Variants in CCDC178 observed in about 807,000 individuals in gnomAD.
The protein encoded by CCDC178 is coiled-coil domain containing 178, also known as coiled-coil domain-containing protein 178.
In CCDC178, 126 loss-of-function variants were observed where a neutral mutation model predicts 117.4. The observed-to-expected ratio is 1.07, with a 90% CI of 0.93 to 1.24. The LOEUF is 1.24. CCDC178 is among the 50% of genes most tolerant of loss of function. The probability of loss-of-function intolerance (pLI) is 0.00; values close to 1 mark genes in which losing one functional copy is unlikely to be tolerated. For synonymous variants in CCDC178, 283 were observed against 313.4 expected (o/e 0.90, Z 1.02); for missense variants, 1,030 against 986.9 (o/e 1.04, Z -0.59).
At chr18:33,112,115 A>T (rs1295889881) in intron 20 of CCDC178, among the ~76,000 whole-genome samples, 1 of 151,804 alleles carries the variant, frequency 6.6e-6, no homozygotes, top group Non-Finnish European at 1.5e-5. Context: ...GATATTATAA[A>T]TAAAAATTTA....
At position 33,323,599 on chromosome 18, in the gene CCDC178, A is replaced by G; in HGVS notation, c.914T>C (p.Leu305Pro). 5.2e-6 allele frequency: 8 copies of G among 1,553,376 alleles called. No homozygotes were observed. Among genetic ancestry groups the G allele is most frequent in the Non-Finnish European group, 7.0e-6 (8 of 1,150,476 alleles). Reference sequence around the variant, plus strand: ...TTCACAGGCTTCTAAAGCTTCTTCAAGTTCTTCATTAACTTTTCTGTGTAG... The same window carrying G: ...TTCACAGGCTTCTAAAGCTTCTTCAGGTTCTTCATTAACTTTTCTGTGTAG... ...MDLHRKVNEE[L>P]EEALEACENA... The change falls in exon 11 of 23, where the codon CTT (leucine) becomes CCT (proline). Residue 305 changes from leucine to proline, a missense_variant. Physicochemically the swap from Leu to Pro is moderately conservative, Grantham distance 98. Coordinates refer to ENST00000383096, the MANE Select transcript of CCDC178 (RefSeq NM_001105528.4).
chr18:33,291,032 T>C (rs894630459), intron 12 of CCDC178, among the ~76,000 whole-genome samples: 2 of 152,204 alleles, frequency 1.3e-5, no homozygotes, highest in South Asian at 2.1e-4. Flanking sequence ...AATTTGTAAA[T>C]AGAAGGCAGA....
At chr18:33,056,671 T>C (rs2056835674) in intron 21 of CCDC178, among the ~76,000 whole-genome samples, 1 of 152,122 alleles carries the variant, frequency 6.6e-6, no homozygotes, top group Non-Finnish European at 1.5e-5. Context: ...AGTTGGAAAA[T>C]GTAATTCATC....
At chr18:33,156,774 C>A (rs1204409743) in intron 20 of CCDC178, among the ~76,000 whole-genome samples, 6 of 152,056 alleles carry the variant, frequency 3.9e-5, no homozygotes, top group African/African-American at 1.4e-4. Flanking sequence ...AAGATTTCCA[C>A]TACGAGAGTT....
chr18:33,235,988 A>G (rs921051952), intron 15 of CCDC178, among the ~76,000 whole-genome samples: 11 of 152,220 alleles, frequency 7.2e-5, no homozygotes, highest in African/African-American at 2.7e-4. Flanking sequence ...TAGCTAAAAA[A>G]TTAGAGAAAG....
chr18:33,169,726 T>G (rs1365463137), intron 20 of CCDC178, among the ~76,000 whole-genome samples: 1 of 152,158 alleles, frequency 6.6e-6, no homozygotes, highest in Non-Finnish European at 1.5e-5. Flanking sequence ...GATTTTAAGC[T>G]TTAGAATAGT....
At chr18:33,200,198 T>G (rs150173599) in intron 20 of CCDC178, among the ~76,000 whole-genome samples, 2 of 152,216 alleles carry the variant, frequency 1.3e-5, no homozygotes, top group Non-Finnish European at 2.9e-5. Flanking sequence ...ATGGAATGCA[T>G]AGAAAAAGAA....
At chr18:33,418,267 G>T (rs2063973804) in intron 2 of CCDC178, among the ~76,000 whole-genome samples, 2 of 152,184 alleles carry the variant, frequency 1.3e-5, no homozygotes, top group South Asian at 4.1e-4. Context: ...TGCAGAAAAG[G>T]CTTTTGATAA....
intron 11 of CCDC178, among the ~76,000 whole-genome samples, chr18:33,317,859 A>C (rs1331166375): frequency 6.6e-6 from 1 of 152,176 alleles, no homozygotes; most frequent in Non-Finnish European, 1.5e-5. Flanking sequence ...TAACCAGACC[A>C]GCTGAGACAG....
chr18:33,033,151 C>A (rs977365912), intron 21 of CCDC178, among the ~76,000 whole-genome samples: 3 of 151,752 alleles, frequency 2.0e-5, no homozygotes, highest in Non-Finnish European at 1.5e-5. Context: ...ATTATGATTA[C>A]AAATAAAAGA....
At chr18:33,311,006 C>T (rs1218638364) in intron 11 of CCDC178, among the ~76,000 whole-genome samples, 1 of 152,084 alleles carries the variant, frequency 6.6e-6, no homozygotes, top group Non-Finnish European at 1.5e-5. Context: ...TGTATGTTCT[C>T]TTCACAACTT....
intron 8 of CCDC178, 39 bp downstream of exon 8, chr18:33,348,851 A>T: frequency 7.9e-7 from 1 of 1,263,228 alleles, no homozygotes; most frequent in Non-Finnish European, 1.2e-6. Flanking sequence ...ATGAACTTTT[A>T]AATATATACA....
intron 14 of CCDC178, among the ~76,000 whole-genome samples, chr18:33,250,570 ACAATT>A (rs1354228189): frequency 1.3e-5 from 2 of 151,748 alleles, no homozygotes; most frequent in African/African-American, 4.8e-5. Context: ...ATAAAAGAAA[ACAATT>A]CAACAAGAAA....
At chr18:33,264,203 T>G (rs1039702340) in intron 14 of CCDC178, among the ~76,000 whole-genome samples, 2 of 152,130 alleles carry the variant, frequency 1.3e-5, no homozygotes, top group African/African-American at 4.8e-5. Context: ...ACATATAGAC[T>G]TGCCAGTTTA....
intron 21 of CCDC178, among the ~76,000 whole-genome samples, chr18:33,020,681 T>C (rs1317059363): frequency 6.6e-6 from 1 of 152,194 alleles, no homozygotes; most frequent in Non-Finnish European, 1.5e-5. Flanking sequence ...CGTACTGAGT[T>C]TCTCCATGGT....
Position 33,224,786 on chromosome 18 carries a change from C to T in CCDC178, c.1807G>A (p.Glu603Lys). ...AATTAAATGCTTACAACAGAATGTT[C>T]TTTGTCGAGACTTCTGATTCTTTCA... ...EAERIRSLDK[E>K]HSVMLNNIID... The change falls in exon 17 of 23, where the codon GAA (glutamate) becomes AAA (lysine). Residue 603 changes from glutamate (E) to lysine (K), a missense_variant. By Grantham distance (56) the Glu-to-Lys change is moderately conservative. Coordinates refer to ENST00000383096, the MANE Select transcript of CCDC178 (RefSeq NM_001105528.4). 6.5e-7 allele frequency: 1 copy of T among 1,530,226 alleles called. No homozygotes were observed. The highest frequency in any genetic ancestry group is 1.4e-5 in the African/African-American group (1 of 71,176). The allele number at this position is 1,530,226 out of a possible 1,614,324, so 94.8% of individuals were successfully genotyped here.
At chr18:33,220,125 C>T (rs768705557) in intron 18 of CCDC178, among the ~76,000 whole-genome samples, 1 of 151,940 alleles carries the variant, frequency 6.6e-6, no homozygotes, top group Non-Finnish European at 1.5e-5. Context: ...CAGGTAGGAA[C>T]AAATGTTTTG....
Position 33,113,126 on chromosome 18 carries a change from T to C in CCDC178, c.2239-20216A>G, listed in dbSNP as rs190827366. 2.6e-5 allele frequency among the ~76,000 whole-genome samples: 4 copies of C among 152,090 alleles called. No homozygotes were observed. In the East Asian group the frequency reaches 7.8e-4, roughly 30 times the overall value. On this transcript the variant is annotated intron_variant, in intron 20 of 22. Transcript: ENST00000383096. ...CTATCCAATGACAAAAGAAAACACA[T>C]GCTCAATTAAGATTAAAAGTCTGCT...
chr18:33,369,222 G>T (rs1444787401), intron 6 of CCDC178, among the ~76,000 whole-genome samples: 11 of 151,886 alleles, frequency 7.2e-5, no homozygotes, highest in Non-Finnish European at 4.4e-5. Flanking sequence ...CATATCATTT[G>T]CTGGTACTTG....
Sources: gnomAD v4.1 joint callset for allele counts (sites outside exome capture counted in the v4.1 genomes callset) on GRCh38, gnomAD v4.1.1 for gene constraint, MANE v1.5 for transcripts, NCBI Gene and HGNC (gene_info 2026-07-23, HGNC 2026-07-21) for gene names.